CAMK2D: variants seen among roughly 807,000 people sequenced by gnomAD.
The protein encoded by CAMK2D is calcium/calmodulin-dependent protein kinase type II subunit delta.
CAMK2D carries 37 observed loss-of-function variants against 84.0 expected under a neutral mutation model. The ratio of observed to expected loss-of-function variants is 0.44; its 90% CI spans 0.34 to 0.58. The LOEUF is 0.58. Ranked by LOEUF, CAMK2D falls within the 20% of genes least tolerant of loss-of-function variation. CAMK2D has a pLI of 0.02. For synonymous variants in CAMK2D, 202 were observed against 212.5 expected (o/e 0.95, Z 0.43); for missense variants, 448 against 652.5 (o/e 0.69, Z 3.41).
At chr4:113,599,440 C>G (rs896622427) in intron 4 of CAMK2D, among the ~76,000 whole-genome samples, 1 of 152,286 alleles carries the variant, frequency 6.6e-6, no homozygotes, top group Non-Finnish European at 1.5e-5. Flanking sequence ...GTCAAGGTGT[C>G]TTTCATTGGG....
intron 16 of CAMK2D, among the ~76,000 whole-genome samples, chr4:113,468,157 C>T (rs1335958189): frequency 6.6e-6 from 1 of 152,086 alleles, no homozygotes; most frequent in South Asian, 2.1e-4. Flanking sequence ...GAATTAGAAT[C>T]ATCGGGTGTA....
intron 16 of CAMK2D, among the ~76,000 whole-genome samples, 191 bp downstream of exon 16, chr4:113,500,272 A>G (rs1336750576): frequency 6.6e-6 from 1 of 152,172 alleles, no homozygotes; most frequent in Non-Finnish European, 1.5e-5. Flanking sequence ...ATATGTAGGA[A>G]AAATGACAAA....
At chr4:113,748,360 A>C (rs3822295) in intron 2 of CAMK2D, among the ~76,000 whole-genome samples, 26,726 of 151,992 alleles carry the variant, frequency 0.18, 2,695 homozygotes, top group East Asian at 0.32. Flanking sequence ...TCTCGCTCGC[A>C]TACTTTGTCA....
chr4:113,739,941 C>G (rs2099589079), intron 2 of CAMK2D, among the ~76,000 whole-genome samples: 1 of 151,992 alleles, frequency 6.6e-6, no homozygotes, highest in Non-Finnish European at 1.5e-5. Context: ...AGCCCTTGAC[C>G]CCTTCCATCC....
intron 6 of CAMK2D, among the ~76,000 whole-genome samples, chr4:113,541,307 C>T (rs914432435): frequency 1.3e-5 from 2 of 152,140 alleles, no homozygotes; most frequent in African/African-American, 2.4e-5. Context: ...AGAAGCTCCA[C>T]CAATTGTATA....
At chr4:113,509,754 G>T in intron 12 of CAMK2D, 79 bp from the exon 13 acceptor site, 1 of 1,006,980 alleles carries the variant, frequency 9.9e-7, no homozygotes. Context: ...TCAGGTTATT[G>T]TCTCCTTCTA....
chr4:113,608,193 C>T (rs1483614937), intron 4 of CAMK2D, among the ~76,000 whole-genome samples: 2 of 152,144 alleles, frequency 1.3e-5, no homozygotes, highest in African/African-American at 4.8e-5. Context: ...CCACATAATA[C>T]TAAAAACAGA....
intron 3 of CAMK2D, among the ~76,000 whole-genome samples, chr4:113,610,283 C>T (rs1231813281): frequency 4.6e-5 from 7 of 152,092 alleles, no homozygotes; most frequent in Admixed American, 4.6e-4. Flanking sequence ...TTGATCTTCA[C>T]TGGGAGCAAA....
intron 2 of CAMK2D, among the ~76,000 whole-genome samples, chr4:113,720,408 A>C (rs2099527050): frequency 6.6e-6 from 1 of 151,822 alleles, no homozygotes; most frequent in Admixed American, 6.6e-5. Flanking sequence ...ATTTTAAAAA[A>C]ACGCCTTCTA....
intron 8 of CAMK2D, among the ~76,000 whole-genome samples, chr4:113,523,840 TC>T (rs1386062927): frequency 7.1e-6 from 1 of 141,502 alleles, no homozygotes; most frequent in Non-Finnish European, 1.5e-5. Context: ...ATAAAACAGA[TC>T]TTTTTTTTTG....
At chr4:113,501,136 TAG>T (rs1329993235) in intron 15 of CAMK2D, among the ~76,000 whole-genome samples, 2 of 152,106 alleles carry the variant, frequency 1.3e-5, no homozygotes, top group Non-Finnish European at 2.9e-5. Flanking sequence ...CAAGGACAAT[TAG>T]ACTTTTTTCA....
At chr4:113,513,803 T>G (rs757631794) in intron 11 of CAMK2D, 27 bp downstream of exon 11, 5 of 1,045,008 alleles carry the variant, frequency 4.8e-6, no homozygotes, top group Non-Finnish European at 5.9e-6. Context: ...CAAATCTACC[T>G]CCCCATAAAA....
At chr4:113,648,377 C>T (rs991368440) in intron 3 of CAMK2D, among the ~76,000 whole-genome samples, 4 of 152,128 alleles carry the variant, frequency 2.6e-5, no homozygotes, top group African/African-American at 9.7e-5. Flanking sequence ...TGTCTATGGC[C>T]CCCTTGGTAA....
chr4:113,469,881 T>C (rs1462397511), intron 16 of CAMK2D, among the ~76,000 whole-genome samples: 1 of 152,164 alleles, frequency 6.6e-6, no homozygotes, highest in African/African-American at 2.4e-5. Context: ...TTTTTCCTCT[T>C]CACCCCCACT....
chr4:113,632,422 T>A (rs2099093508), intron 3 of CAMK2D, among the ~76,000 whole-genome samples: 1 of 151,838 alleles, frequency 6.6e-6, no homozygotes, highest in Admixed American at 6.6e-5. Context: ...AGGGTTTCAT[T>A]ATGTTGGTCA....
chr4:113,578,122 A>C (rs1222184284), intron 4 of CAMK2D, among the ~76,000 whole-genome samples: 1 of 152,190 alleles, frequency 6.6e-6, no homozygotes, highest in African/African-American at 2.4e-5. Flanking sequence ...GGTTCAACCC[A>C]CTTCATTGAA....
At chr4:113,493,767 C>G (rs931398734) in intron 16 of CAMK2D, among the ~76,000 whole-genome samples, 5 of 151,782 alleles carry the variant, frequency 3.3e-5, no homozygotes, top group African/African-American at 1.2e-4. Context: ...CTCCCCATCA[C>G]TTTCAGGTAC....
intron 2 of CAMK2D, among the ~76,000 whole-genome samples, chr4:113,701,203 C>G (rs1005944097): frequency 1.4e-4 from 22 of 152,184 alleles, no homozygotes; most frequent in Non-Finnish European, 2.6e-4. Flanking sequence ...TTTGGGCAAT[C>G]TTATAGCTTA....
chr4:113,723,318 A>T (rs766679173), intron 2 of CAMK2D, among the ~76,000 whole-genome samples: 44 of 149,976 alleles, frequency 2.9e-4, no homozygotes, highest in Non-Finnish European at 5.9e-4. Context: ...TCCACCTCCC[A>T]GTTTCAAGCG....
Sources: gnomAD v4.1 joint callset for allele counts (sites outside exome capture counted in the v4.1 genomes callset) on GRCh38, gnomAD v4.1.1 for gene constraint, MANE v1.5 for transcripts, NCBI Gene and HGNC (gene_info 2026-07-23, HGNC 2026-07-21) for gene names.